EIF4G1: variants seen among roughly 807,000 people sequenced by gnomAD.
EIF4G1 encodes the protein eukaryotic translation initiation factor 4 gamma 1.
EIF4G1 carries 4 observed loss-of-function variants against 187.8 expected under a neutral mutation model. The observed-to-expected ratio is 0.02, with a 90% CI of 0.01 to 0.05. The LOEUF (loss-of-function observed/expected upper bound fraction) is 0.05. Ranked by LOEUF, EIF4G1 falls within the 10% of genes least tolerant of loss-of-function variation. The probability of loss-of-function intolerance (pLI) is 1.00; values close to 1 mark genes in which losing one functional copy is unlikely to be tolerated. For synonymous variants in EIF4G1, 844 were observed against 781.4 expected (o/e 1.08, Z -1.34); for missense variants, 1,647 against 2,081.1 (o/e 0.79, Z 4.06).
chr3:184,335,082 C>G lies in EIF4G1; in HGVS notation c.*174C>G. Reference sequence around the variant, plus strand: ...GATGGCTTGGGGCTGCCTGGGCCCCCCTCCAGGATGCCGCCAGGTGTCCCT... The same window carrying G: ...GATGGCTTGGGGCTGCCTGGGCCCCGCTCCAGGATGCCGCCAGGTGTCCCT... On this transcript the variant is annotated 3_prime_UTR_variant, in exon 33 of 33. Transcript: ENST00000346169. 1.2e-6 allele frequency: 1 copy of G among 801,514 alleles called. No homozygotes were observed. The highest frequency in any genetic ancestry group is 2.0e-6 in the Non-Finnish European group (1 of 504,518). The allele number at this position is 801,514 out of a possible 1,614,324, so 49.7% of individuals were successfully genotyped here. A position where few individuals can be genotyped will look rare whatever the true frequency, so the allele number is the denominator to read the frequency against.
rs761253837 is a variant in EIF4G1 at position 184,331,344 on chromosome 3, G to A, written c.4240G>A (p.Gly1414Ser). 2 of 1,614,066 alleles carry A rather than the reference G, an allele frequency of 1.2e-6. No individual in the cohort carries two copies. Among genetic ancestry groups the A allele is most frequent in the Non-Finnish European group, 8.5e-7 (1 of 1,180,036 alleles). ...ATTTCTACCTGAAGGCCAGGACATT[G>A]GTGCATTCGTCGCTGAACAGGTTTG... ...KEFLPEGQDIGAFVAEQKVEY... is the reference protein window; with the variant it reads ...KEFLPEGQDISAFVAEQKVEY... Residue 1414 changes from glycine (G) to serine (S), a missense_variant, in exon 29 of 33, where the codon GGT becomes AGT. Gly to Ser is a moderately conservative substitution (Grantham distance 56, BLOSUM62 0). Coordinates refer to ENST00000346169, the MANE Select transcript of EIF4G1 (RefSeq NM_198241.3).
At chr3:184,319,426 G>GGT (rs1168140244) in intron 6 of EIF4G1, among the ~76,000 whole-genome samples, 2,261 of 112,920 alleles carry the variant, frequency 0.02, 23 homozygotes, top group Admixed American at 0.045. Flanking sequence ...GCCTACGAGG[G>GGT]GTGTGTGTGT....
rs573974788 is a variant in EIF4G1, at chr3:184,327,672, A to G, written c.3748A>G (p.Ile1250Val). 20 of 1,614,220 alleles carry G rather than the reference A, an allele frequency of 1.2e-5. No individual in the cohort carries two copies. In the South Asian group the frequency reaches 2.2e-4, roughly 18 times the overall value. The change falls in exon 25 of 33, where the codon ATT becomes GTT. Residue 1250 changes from isoleucine (I) to valine (V), a missense_variant. By Grantham distance (29) the Ile-to-Val change is conservative. Coordinates refer to ENST00000346169, the MANE Select transcript of EIF4G1 (RefSeq NM_198241.3). ...EELEKKSKAI[I>V]EEYLHLNDMK... The stretch of plus-strand genomic sequence containing the variant: ...GTTAGAGAAGAAATCCAAGGCTATC[A>G]TTGAGGAATATCTCCATCTCAATGA...
intron 6 of EIF4G1, 118 bp downstream of exon 6, chr3:184,317,934 G>A: frequency 1.3e-6 from 1 of 767,418 alleles, no homozygotes; most frequent in African/African-American, 1.7e-5. Context: ...AAAATGATAA[G>A]GTTAATAGGT....
Position 184,323,321 on chromosome 3 carries a change from G to C in EIF4G1, c.2088+80G>C. 2 of 1,611,690 alleles carry C rather than the reference G, an allele frequency of 1.2e-6. No individual in the cohort carries two copies. Among genetic ancestry groups the C allele is most frequent in the Admixed American group, 1.7e-5 (1 of 59,932 alleles). On this transcript the variant is annotated intron_variant, in intron 14 of 32. Transcript: ENST00000346169. The surrounding 1 kb of genome is among the most constrained non-coding windows in gnomAD (Gnocchi z 6.9). ...CGTGTCTCAGTGCCCGCGGGGAGGG[G>C]TTTGCCCTGGAGGCGTGTAGTAGTG...
At chr3:184,315,619 G>A (rs1018026906) in intron 2 of EIF4G1, 74 bp downstream of exon 2, 24 of 774,406 alleles carry the variant, frequency 3.1e-5, no homozygotes, top group Non-Finnish European at 5.5e-5. Context: ...TGTTGGTGGG[G>A]ACAGGCTGTA....
Position 184,334,728 on chromosome 3 carries a change from C to T in EIF4G1, c.4620C>T (p.Asn1540=). ...AACTGCTGTCCCGCCTGCTTGCAGA[C>T]CTGCTGCGGATGTTCTTTGACGCAC... ...ALVVTLEQPP[N]LLRMFFDALY... is the part of the protein sequence containing the mutation. The change falls in exon 33 of 33, where the codon AAC becomes AAT. Residue 1540 remains asparagine (N), a splice_region_variant and synonymous_variant. Transcript: ENST00000346169. This position sits in a 1 kb window ranked among gnomAD's most constrained non-coding sequence, Gnocchi z 5.8. 6.2e-7 allele frequency: 1 copy of T among 1,614,168 alleles called. No homozygotes were observed. The highest frequency in any genetic ancestry group is 8.5e-7 in the Non-Finnish European group (1 of 1,180,024).
intron 22 of EIF4G1, 86 bp downstream of exon 22, chr3:184,326,715 ACAAGGTGGTTAGG>A: frequency 6.5e-7 from 1 of 1,537,810 alleles, no homozygotes; most frequent in East Asian, 2.2e-5. Context: ...GGCCTTCAGT[ACAAGGTGGTTAGG>A]CAATGCGGGC....
chr3:184,317,640 C>G (rs1262118677), intron 5 of EIF4G1, 77 bp from the exon 6 acceptor site: 2 of 1,535,472 alleles, frequency 1.3e-6, no homozygotes, highest in Non-Finnish European at 9.0e-7. Flanking sequence ...TTGTCTTGAC[C>G]TATGTTCTTT....
In EIF4G1 at chr3:184,325,727, G is replaced by A. The variant is rs781173152; in HGVS notation, c.3121+88G>A. The A allele has an allele frequency of 1.9e-6, 3 of 1,611,606 alleles. No individual in the cohort carries two copies. Among genetic ancestry groups the A allele is most frequent in the Non-Finnish European group, 2.5e-6 (3 of 1,177,810 alleles). The stretch of plus-strand genomic sequence containing the variant: ...TGATGACTTCCTGTTAGTGCCACGT[G>A]TCTGGGCCACTGAGACACCATGATG... On this transcript the variant is annotated intron_variant, in intron 20 of 32. Coordinates refer to ENST00000346169, the MANE Select transcript of EIF4G1 (RefSeq NM_198241.3). The surrounding 1 kb of genome is among the most constrained non-coding windows in gnomAD (Gnocchi z 5.2).
At chr3:184,317,086 TGA>T (rs1215112953) in intron 4 of EIF4G1, among the ~76,000 whole-genome samples, 3 of 152,316 alleles carry the variant, frequency 2.0e-5, no homozygotes, top group East Asian at 3.9e-4. Context: ...TGCATGGCAG[TGA>T]GAGAGTAAAT....
At position 184,321,802 on chromosome 3, in the gene EIF4G1, A is replaced by C; in HGVS notation, c.1218A>C (p.Gly406=). 1 of 1,613,690 alleles carries C rather than the reference A, an allele frequency of 6.2e-7. No individual in the cohort carries two copies. Among genetic ancestry groups the C allele is most frequent in the Admixed American group, 1.7e-5 (1 of 60,006 alleles). ...CCCAACCTGAGGAACTGCTCAACGG[A>C]GCCCCCTCGCCACCAGCTGTGGACT... ...PTAQPEELLN[G]APSPPAVDLS... The change falls in exon 10 of 33, where the codon GGA becomes GGC. Residue 406 remains glycine (G), a synonymous_variant. Transcript: ENST00000346169.
At chr3:184,318,487 C>T (rs1355226909) in intron 6 of EIF4G1, among the ~76,000 whole-genome samples, 1 of 152,170 alleles carries the variant, frequency 6.6e-6, no homozygotes, top group African/African-American at 2.4e-5. Context: ...CACGGTGGCT[C>T]ACGCCTGTAG....
intron 28 of EIF4G1, 91 bp downstream of exon 28, chr3:184,329,081 G>A (rs1216982599): frequency 3.7e-5 from 54 of 1,449,304 alleles, no homozygotes; most frequent in Non-Finnish European, 5.2e-5. Context: ...CATTGGTGGA[G>A]TGGAGTGATG....
At position 184,321,415 on chromosome 3, in the gene EIF4G1, G is replaced by A; in HGVS notation, c.831G>A (p.Glu277=). 1 of 1,614,118 alleles carries A rather than the reference G, an allele frequency of 6.2e-7. No homozygotes were observed. The highest frequency in any genetic ancestry group is 8.5e-7 in the Non-Finnish European group (1 of 1,180,032). ...CCCCAGTCTTGGAACCGGGGTCTGAGCCTAATCTCGCAGTCCTCTCTATTC... is the reference window on the plus strand; with the variant it reads ...CCCCAGTCTTGGAACCGGGGTCTGAACCTAATCTCGCAGTCCTCTCTATTC... ...SPSPVLEPGS[E]PNLAVLSIPG... Residue 277 remains glutamate, a synonymous_variant, in exon 10 of 33, where the codon GAG becomes GAA. Coordinates refer to ENST00000346169, the MANE Select transcript of EIF4G1 (RefSeq NM_198241.3).
rs376080760 is a variant in EIF4G1 at position 184,334,761 on chromosome 3, C to T, written c.4653C>T (p.Asp1551=). The change falls in exon 33 of 33, where the codon GAC becomes GAT. Residue 1551 remains aspartate (D), a synonymous_variant. Transcript: ENST00000346169. This position sits in a 1 kb window ranked among gnomAD's most constrained non-coding sequence, Gnocchi z 5.8. The stretch of plus-strand genomic sequence containing the variant: ...GGATGTTCTTTGACGCACTGTATGA[C>T]GAGGACGTGGTGAAGGAGGATGCCT... ...LLRMFFDALY[D]EDVVKEDAFY... 35 of 1,614,020 alleles carry T rather than the reference C, an allele frequency of 2.2e-5. No homozygotes were observed. The highest frequency in any genetic ancestry group is 3.3e-5 in the Admixed American group (2 of 59,998).
intron 28 of EIF4G1, chr3:184,329,265 A>G: frequency 2.1e-6 from 1 of 481,636 alleles, no homozygotes; most frequent in African/African-American, 2.0e-5. Context: ...GGTTTTGTTG[A>G]TGATCATTTA....
rs1474998442 is a variant in EIF4G1 at position 184,320,983 on chromosome 3, T to C, written c.687T>C (p.Ile229=). ...GGGAGACGCCCCAGGTTGCTGTCATTGTCCGGCCAGGTAAGTAAGCCGGTG... is the reference window on the plus strand; with the variant it reads ...GGGAGACGCCCCAGGTTGCTGTCATCGTCCGGCCAGGTAAGTAAGCCGGTG... The part of the protein sequence containing the change: ...ANGETPQVAV[I]VRPDDRSQGA... Residue 229 remains isoleucine, a synonymous_variant, in exon 9 of 33, where the codon ATT becomes ATC. Transcript: ENST00000346169. 3 of 1,613,890 alleles carry C rather than the reference T, an allele frequency of 1.9e-6. No individual in the cohort carries two copies. Among genetic ancestry groups the C allele is most frequent in the Admixed American group, 1.7e-5 (1 of 60,008 alleles).
chr3:184,319,749 C>T lies in EIF4G1; in HGVS notation c.485C>T (p.Pro162Leu). Reference protein sequence around the residue: ...QQFPTGVAPTPVLMNQPPQIA... With the variant: ...QQFPTGVAPTLVLMNQPPQIA... ...TTTCCCACTGGCGTGGCCCCCACCC[C>T]AGTTTTGATGAACCAGCCACCCCAG... is the stretch of plus-strand genomic sequence containing the variant. Residue 162 changes from proline (P) to leucine (L), a missense_variant, in exon 7 of 33, where the codon CCA (proline) becomes CTA (leucine). Physicochemically the swap from Pro to Leu is moderately conservative, Grantham distance 98. Transcript: ENST00000346169. 6.2e-7 allele frequency: 1 copy of T among 1,608,732 alleles called. No homozygotes were observed. The highest frequency in any genetic ancestry group is 8.5e-7 in the Non-Finnish European group (1 of 1,177,850).
Sources: gnomAD v4.1 joint callset for allele counts (sites outside exome capture counted in the v4.1 genomes callset) on GRCh38, gnomAD v4.1.1 for gene constraint, Gnocchi (gnomAD v3.1) non-coding constraint, MANE v1.5 for transcripts, NCBI Gene and HGNC (gene_info 2026-07-23, HGNC 2026-07-21) for gene names.